DLGAP1: variants seen among roughly 807,000 people sequenced by gnomAD.
DLGAP1 encodes the protein disks large-associated protein 1.
Under a neutral mutation model 90.8 loss-of-function variants are expected in DLGAP1, and 11 were observed. That is an observed-to-expected ratio of 0.12 (90% CI 0.08 to 0.20). The LOEUF (loss-of-function observed/expected upper bound fraction) is 0.20, where lower values mean the gene tolerates loss of function less well. DLGAP1 is among the 10% of genes least tolerant of loss of function. The pLI is 1.00. For synonymous variants in DLGAP1, 558 were observed against 540.7 expected (o/e 1.03, Z -0.44); for missense variants, 1,050 against 1,333.8 (o/e 0.79, Z 3.31).
intron 1 of DLGAP1, among the ~76,000 whole-genome samples, chr18:4,381,749 G>A (rs140398536): frequency 3.9e-5 from 6 of 152,156 alleles, no homozygotes; most frequent in African/African-American, 1.2e-4. Context: ...TCTTCATACT[G>A]ATAGGCTCTC....
intron 3 of DLGAP1, among the ~76,000 whole-genome samples, chr18:3,991,153 CTAATAAAGTAAATATTAA>C (rs1215035387): frequency 6.6e-6 from 1 of 151,596 alleles, no homozygotes; most frequent in Non-Finnish European, 1.5e-5. Context: ...GTTTTAATTT[CTAATAAAGTAAATATTAA>C]TATAAAAAAA....
chr18:3,945,249 T>C (rs531914804), intron 3 of DLGAP1, among the ~76,000 whole-genome samples: 2 of 152,354 alleles, frequency 1.3e-5, no homozygotes, highest in South Asian at 4.1e-4. Flanking sequence ...GGGAGTTCAT[T>C]AACATTACTT....
intron 1 of DLGAP1, among the ~76,000 whole-genome samples, chr18:4,257,664 G>A (rs1056771921): frequency 1.4e-5 from 2 of 145,892 alleles, no homozygotes; most frequent in South Asian, 2.1e-4. Context: ...TCGCTCTGTC[G>A]CCCAGGCTGG....
At chr18:4,221,363 G>A (rs941231078) in intron 1 of DLGAP1, among the ~76,000 whole-genome samples, 2 of 151,954 alleles carry the variant, frequency 1.3e-5, no homozygotes, top group African/African-American at 4.8e-5. Flanking sequence ...AATCAAAAGA[G>A]CTCTCTGTAC....
In DLGAP1 at chr18:3,581,726, G is replaced by A. The variant is rs2055530578; in HGVS notation, c.1965+149C>T. The A allele has an allele frequency of 6.6e-6, 6 of 904,414 alleles. No individual in the cohort carries two copies. In the South Asian group the frequency reaches 9.7e-5, roughly 15 times the overall value. 56.0% of individuals were successfully genotyped at this position (904,414 alleles called of 1,614,324 possible). ...TCTTGGTCACATTTAACAGTATACG[G>A]AGTCCACAGCCAATCACTTGAAAAT... On this transcript the variant is annotated intron_variant, in intron 8 of 12. Transcript: ENST00000315677.
At chr18:4,203,832 A>G (rs992813462) in intron 1 of DLGAP1, among the ~76,000 whole-genome samples, 1 of 152,228 alleles carries the variant, frequency 6.6e-6, no homozygotes, top group Non-Finnish European at 1.5e-5. Flanking sequence ...GTTCAGTAAT[A>G]AATGTATATG....
At chr18:4,414,535 C>A (rs757075152) in intron 1 of DLGAP1, among the ~76,000 whole-genome samples, 1 of 151,938 alleles carries the variant, frequency 6.6e-6, no homozygotes, top group Middle Eastern at 3.2e-3. Flanking sequence ...ACCAGCCTGG[C>A]CAACATAGTG....
intron 7 of DLGAP1, among the ~76,000 whole-genome samples, chr18:3,591,890 G>A (rs1390818669): frequency 4.6e-5 from 7 of 151,954 alleles, no homozygotes; most frequent in East Asian, 3.9e-4. Context: ...TTGATTGTCC[G>A]TCCATAGAAG....
chr18:4,411,983 C>T (rs772154479), intron 1 of DLGAP1, among the ~76,000 whole-genome samples: 2 of 152,096 alleles, frequency 1.3e-5, no homozygotes, highest in East Asian at 1.9e-4. Flanking sequence ...TTTCTGGATG[C>T]GACATGCTTA....
chr18:4,167,886 T>G (rs900096227), intron 1 of DLGAP1, among the ~76,000 whole-genome samples: 2 of 152,080 alleles, frequency 1.3e-5, no homozygotes, highest in Non-Finnish European at 2.9e-5. Flanking sequence ...CAAAAATATA[T>G]GTACAGAATC....
chr18:4,184,628 C>CCTA (rs1223684282), intron 1 of DLGAP1, among the ~76,000 whole-genome samples: 1 of 152,076 alleles, frequency 6.6e-6, no homozygotes, highest in Non-Finnish European at 1.5e-5. Context: ...TACCCAGGAT[C>CCTA]CTACTACTTG....
At chr18:3,519,212 G>A (rs17802712) in intron 10 of DLGAP1, among the ~76,000 whole-genome samples, 4,458 of 152,254 alleles carry the variant, frequency 0.029, 96 homozygotes, top group Admixed American at 0.045. Context: ...CCCACCTTAA[G>A]AATGGCAGCT....
intron 2 of DLGAP1, among the ~76,000 whole-genome samples, chr18:4,008,132 T>G (rs2074341734): frequency 6.6e-6 from 1 of 151,974 alleles, no homozygotes; most frequent in African/African-American, 2.4e-5. Context: ...AGCCCCCACC[T>G]TATCCATGGG....
intron 8 of DLGAP1, among the ~76,000 whole-genome samples, chr18:3,572,894 A>T (rs1253300564): frequency 2.0e-5 from 3 of 152,188 alleles, no homozygotes; most frequent in Admixed American, 1.3e-4. Context: ...TTTCTGTGAC[A>T]TACACTACTT....
intron 1 of DLGAP1, among the ~76,000 whole-genome samples, chr18:4,284,660 G>A (rs2079638773): frequency 6.6e-6 from 1 of 152,166 alleles, no homozygotes; most frequent in African/African-American, 2.4e-5. Flanking sequence ...AGTTTGCTCG[G>A]CTTTCACTAT....
intron 11 of DLGAP1, among the ~76,000 whole-genome samples, chr18:3,502,904 G>T (rs529353254): frequency 2.2e-4 from 34 of 152,068 alleles, no homozygotes; most frequent in Admixed American, 2.0e-3. Context: ...TGGGGGAAGG[G>T]TCTAAACATA....
In DLGAP1 at chr18:4,112,876, C is replaced by T. The variant is rs113925526; in HGVS notation, c.-159+38304G>A. On this transcript the variant is annotated intron_variant, in intron 2 of 12. Coordinates refer to ENST00000315677, the MANE Select transcript of DLGAP1 (RefSeq NM_004746.4). ...CATGTAGTATTTCATTTTCTGTTCC[C>T]GTGTTAATTTGCTTAGGGTATTGGC... Among the ~76,000 whole-genome samples, 705 of 152,114 alleles carry T rather than the reference C, an allele frequency of 4.6e-3. 4 individuals carry two copies. The highest frequency in any genetic ancestry group is 0.025 in the South Asian group (121 of 4,822).
rs1598711803 is a variant in DLGAP1 at position 3,778,217 on chromosome 18, G to A, written c.1173-35705C>T. Among the ~76,000 whole-genome samples the A allele has an allele frequency of 2.0e-5, 3 of 152,264 alleles. No individual in the cohort carries two copies. In the South Asian group the frequency reaches 6.2e-4, roughly 32 times the overall value. ...GCACTTTGGGAGGCAGAGGAGGGTGGATCACCGGAGGTCAGGAGTTCAAGA... is the reference window on the plus strand; with the variant it reads ...GCACTTTGGGAGGCAGAGGAGGGTGAATCACCGGAGGTCAGGAGTTCAAGA... On this transcript the variant is annotated intron_variant, in intron 5 of 12. Coordinates refer to ENST00000315677, the MANE Select transcript of DLGAP1 (RefSeq NM_004746.4).
intron 7 of DLGAP1, among the ~76,000 whole-genome samples, chr18:3,611,690 A>C (rs1675253): frequency 2.0e-5 from 3 of 152,130 alleles, no homozygotes; most frequent in African/African-American, 7.2e-5. Flanking sequence ...GACCCCTGCC[A>C]GTGGTTTCAA....
Sources: gnomAD v4.1 joint callset for allele counts (sites outside exome capture counted in the v4.1 genomes callset) on GRCh38, gnomAD v4.1.1 for gene constraint, MANE v1.5 for transcripts, NCBI Gene and HGNC (gene_info 2026-07-23, HGNC 2026-07-21) for gene names.